The following PDLIM5 variants were observed in gnomAD, a reference collection of about 807,000 sequenced individuals.
The protein encoded by PDLIM5 is PDZ and LIM domain protein 5.
PDLIM5 carries 34 observed loss-of-function variants against 64.2 expected under a neutral mutation model. That is an observed-to-expected ratio of 0.53 (90% CI 0.40 to 0.71). PDLIM5 has a LOEUF of 0.71. Among genes scored for constraint, PDLIM5 ranks in the 30% least tolerant of loss-of-function variants. The pLI is 0.00. For synonymous variants in PDLIM5, 253 were observed against 269.1 expected, an observed-to-expected ratio of 0.94 and a Z score of 0.59; for missense variants, 683 against 733.6, an observed-to-expected ratio of 0.93 and a Z score of 0.80.
chr4:94,616,864 G>A (rs1738825196), intron 7 of PDLIM5, among the ~76,000 whole-genome samples: 1 of 152,176 alleles, frequency 6.6e-6, no homozygotes, highest in Admixed American at 6.5e-5. Context: ...CCACTCCTAG[G>A]TTTATTGTTT....
chr4:94,589,250 A>G (rs1578430202), intron 7 of PDLIM5, among the ~76,000 whole-genome samples: 1 of 152,356 alleles, frequency 6.6e-6, no homozygotes, highest in Admixed American at 6.5e-5. Context: ...AAGAAGACTC[A>G]AAAGAATTTT....
At chr4:94,579,491 T>G in intron 5 of PDLIM5, 1 of 1,194,138 alleles carries the variant, frequency 8.4e-7, no homozygotes, top group Non-Finnish European at 1.2e-6. Flanking sequence ...GATGTGGTAG[T>G]AATATTTTAA....
At chr4:94,628,523 T>C (rs185072139) in intron 8 of PDLIM5, among the ~76,000 whole-genome samples, 30 of 134,602 alleles carry the variant, frequency 2.2e-4, no homozygotes, top group African/African-American at 8.3e-4. Flanking sequence ...AAAATATCTC[T>C]TTTTTTTTTT....
intron 2 of PDLIM5, among the ~76,000 whole-genome samples, chr4:94,471,637 G>T (rs1016487774): frequency 6.6e-6 from 1 of 152,076 alleles, no homozygotes; most frequent in Non-Finnish European, 1.5e-5. Flanking sequence ...CCTGTGTGTG[G>T]ATCATGGCTG....
At chr4:94,609,035 A>G (rs904988932) in intron 7 of PDLIM5, among the ~76,000 whole-genome samples, 1 of 152,030 alleles carries the variant, frequency 6.6e-6, no homozygotes, top group Non-Finnish European at 1.5e-5. Flanking sequence ...TATTTCCTTA[A>G]TTTTTTTTCT....
intron 2 of PDLIM5, among the ~76,000 whole-genome samples, chr4:94,467,135 A>G (rs564203928): frequency 6.6e-6 from 1 of 152,172 alleles, no homozygotes; most frequent in Non-Finnish European, 1.5e-5. Flanking sequence ...CTCTCTTATC[A>G]CTCAAGAAAA....
At chr4:94,539,177 G>C (rs1489032866) in intron 3 of PDLIM5, among the ~76,000 whole-genome samples, 1 of 152,188 alleles carries the variant, frequency 6.6e-6, no homozygotes, top group Admixed American at 6.6e-5. Context: ...AGCTTGAAAC[G>C]ATTGTACAAA....
intron 3 of PDLIM5, among the ~76,000 whole-genome samples, chr4:94,534,336 T>G (rs1392777879): frequency 6.6e-6 from 1 of 152,214 alleles, no homozygotes; most frequent in Non-Finnish European, 1.5e-5. Flanking sequence ...TTAGAATAAA[T>G]TTTCTTTTAA....
chr4:94,452,409 C>T (rs1722937762), intron 1 of PDLIM5, among the ~76,000 whole-genome samples: 1 of 152,170 alleles, frequency 6.6e-6, no homozygotes, highest in South Asian at 2.1e-4. Flanking sequence ...AGTGCCCAGT[C>T]CTGCGCCAGT....
rs1742948926 is a variant in PDLIM5, at chr4:94,664,112, G to A, written c.*45G>A. 1 of 1,446,318 alleles carries A rather than the reference G, an allele frequency of 6.9e-7. No homozygotes were observed. Among genetic ancestry groups the A allele is most frequent in the Non-Finnish European group, 9.3e-7 (1 of 1,075,626 alleles). The allele number at this position is 1,446,318 out of a possible 1,614,324, so 89.6% of individuals were successfully genotyped here. ...AGAGAAGGAATTTGAAGAGAAAAAG[G>A]AAAATTAAAATTACTAATTAATTTT... On this transcript the variant is annotated 3_prime_UTR_variant, in exon 13 of 13. Coordinates refer to ENST00000317968, the MANE Select transcript of PDLIM5 (RefSeq NM_006457.5).
chr4:94,502,180 CTG>C (rs1484392679), intron 2 of PDLIM5, among the ~76,000 whole-genome samples: 7 of 151,990 alleles, frequency 4.6e-5, no homozygotes, highest in Non-Finnish European at 1.0e-4. Context: ...TTGGAAATAG[CTG>C]TGTTTCTCCT....
intron 5 of PDLIM5, chr4:94,584,911 T>C: frequency 1.1e-6 from 1 of 948,242 alleles, no homozygotes; most frequent in Non-Finnish European, 1.6e-6. Context: ...GTTTTCTTTT[T>C]TTCTTATCAT....
chr4:94,608,197 GTGTT>G, intron 7 of PDLIM5: 1 of 1,508,736 alleles, frequency 6.6e-7, no homozygotes, highest in South Asian at 1.2e-5. Context: ...TTCCTTCTTG[GTGTT>G]TCTAAATTTC....
At chr4:94,558,347 C>A (rs1733541941) in intron 3 of PDLIM5, among the ~76,000 whole-genome samples, 1 of 152,050 alleles carries the variant, frequency 6.6e-6, no homozygotes, top group African/African-American at 2.4e-5. Flanking sequence ...ATTGTGCTGT[C>A]TCTTTGTAAT....
chr4:94,605,056 G>A (rs1310475434), intron 7 of PDLIM5, among the ~76,000 whole-genome samples: 2 of 152,104 alleles, frequency 1.3e-5, no homozygotes, highest in African/African-American at 4.8e-5. Context: ...AAAATAGAAA[G>A]TAAAGATAGT....
intron 2 of PDLIM5, among the ~76,000 whole-genome samples, chr4:94,463,449 T>G (rs1724074073): frequency 6.6e-6 from 1 of 152,134 alleles, no homozygotes; most frequent in Non-Finnish European, 1.5e-5. Context: ...GAGAAAACAT[T>G]TAAAAATAAG....
intron 8 of PDLIM5, among the ~76,000 whole-genome samples, chr4:94,639,254 T>C (rs1047838599): frequency 1.3e-5 from 2 of 152,030 alleles, no homozygotes; most frequent in Non-Finnish European, 2.9e-5. Context: ...GATGAGGTTG[T>C]GGGGCAAGCA....
At chr4:94,467,787 ACTT>A (rs1241124173) in intron 2 of PDLIM5, among the ~76,000 whole-genome samples, 10 of 152,068 alleles carry the variant, frequency 6.6e-5, no homozygotes, top group Admixed American at 6.5e-4. Flanking sequence ...CAACAGTTCT[ACTT>A]CTTTTCTTTA....
intron 5 of PDLIM5, chr4:94,577,441 G>A: frequency 2.3e-6 from 1 of 443,022 alleles, no homozygotes. Flanking sequence ...CGGTCTTGAG[G>A]TTGTGGGTGG....
Sources: gnomAD v4.1 joint callset for allele counts (sites outside exome capture counted in the v4.1 genomes callset) on GRCh38, gnomAD v4.1.1 for gene constraint, MANE v1.5 for transcripts, NCBI Gene and HGNC (gene_info 2026-07-23, HGNC 2026-07-21) for gene names.